The following ADD2 variants were observed in gnomAD, a reference collection of about 807,000 sequenced individuals.
ADD2 encodes the protein adducin 2.
Under a neutral mutation model 83.0 loss-of-function variants are expected in ADD2, and 23 were observed. The observed-to-expected ratio is 0.28, with a 90% CI of 0.20 to 0.39. ADD2 has a LOEUF of 0.39. Among genes scored for constraint, ADD2 ranks in the 10% least tolerant of loss-of-function variants. ADD2 has a pLI of 1.00. For synonymous variants in ADD2, 375 were observed against 375.4 expected (o/e 1.00, Z 0.01); for missense variants, 758 against 944.9 (o/e 0.80, Z 2.59).
At chr2:70,682,621 A>G (rs1301257598) in intron 10 of ADD2, among the ~76,000 whole-genome samples, 1 of 152,242 alleles carries the variant, frequency 6.6e-6, no homozygotes, top group Admixed American at 6.5e-5. Context: ...TCTCTGAGCA[A>G]TCTAAGAAGT....
At position 70,758,051 on chromosome 2, in the gene ADD2, C is replaced by T. The variant is rs140655728; in HGVS notation, c.-154+9835G>A. Among the ~76,000 whole-genome samples, 523 of 152,340 alleles carry T rather than the reference C, an allele frequency of 3.4e-3. 4 individuals are homozygous for T. Among genetic ancestry groups the T allele is most frequent in the African/African-American group, 0.012 (507 of 41,578 alleles). ...TAAAAATAGGAACAAATCTCCATCA[C>T]TTCTGGTTACCAGGGAGGCTGCCAT... On this transcript the variant is annotated intron_variant, in intron 1 of 15. Coordinates refer to ENST00000264436, the MANE Select transcript of ADD2 (RefSeq NM_001617.4).
At chr2:70,665,396 C>T (rs1675744747) in intron 15 of ADD2, among the ~76,000 whole-genome samples, 1 of 152,188 alleles carries the variant, frequency 6.6e-6, no homozygotes, top group South Asian at 2.1e-4. Flanking sequence ...GGCCACTGCT[C>T]CCAGTCTTCC....
At chr2:70,740,060 G>C (rs1292647246) in intron 1 of ADD2, among the ~76,000 whole-genome samples, 1 of 151,900 alleles carries the variant, frequency 6.6e-6, no homozygotes, top group Non-Finnish European at 1.5e-5. Context: ...AAAATAATTA[G>C]ATCAATAAAT....
At chr2:70,678,410 G>C (rs1268370808) in intron 11 of ADD2, among the ~76,000 whole-genome samples, 1 of 152,166 alleles carries the variant, frequency 6.6e-6, no homozygotes, top group Non-Finnish European at 1.5e-5. Flanking sequence ...AGCCCCCTGT[G>C]GATGTGGGAG....
intron 1 of ADD2, among the ~76,000 whole-genome samples, chr2:70,747,005 G>A (rs782036051): frequency 6.1e-4 from 78 of 127,746 alleles, no homozygotes; most frequent in Middle Eastern, 8.5e-3. Context: ...AGTCCAATAT[G>A]GATTTTTTTT....
At chr2:70,733,764 T>G (rs1673391470) in intron 1 of ADD2, among the ~76,000 whole-genome samples, 1 of 152,176 alleles carries the variant, frequency 6.6e-6, no homozygotes, top group Admixed American at 6.5e-5. Context: ...ACAGATTACA[T>G]AACTGATGTC....
chr2:70,759,533 T>C (rs537348688), intron 1 of ADD2, among the ~76,000 whole-genome samples: 2 of 152,236 alleles, frequency 1.3e-5, no homozygotes, highest in South Asian at 4.1e-4. Context: ...TGGTGGTGGA[T>C]CCCTCATGAA....
chr2:70,705,544 C>A (rs1477208757), intron 3 of ADD2, among the ~76,000 whole-genome samples: 1 of 152,214 alleles, frequency 6.6e-6, no homozygotes, highest in African/African-American at 2.4e-5. Flanking sequence ...TTGCCTCCAC[C>A]ACAGTGATCT....
In ADD2 at chr2:70,692,417, G is replaced by A; in HGVS notation, c.691C>T (p.Pro231Ser). ...AGTCCACTCACCGCTGCTGTGGCCG[G>A]TGTGTGCAGGTGGATGATGCAGCGC... ...DVRCIIHLHT[P>S]ATAAVSAMKW... The change falls in exon 7 of 16, where the codon CCG becomes TCG. Residue 231 changes from proline to serine, a missense_variant. Pro to Ser is a moderately conservative substitution (Grantham distance 74). Coordinates refer to ENST00000264436, the MANE Select transcript of ADD2 (RefSeq NM_001617.4). 6.3e-7 allele frequency: 1 copy of A among 1,577,980 alleles called. No homozygotes were observed. Among genetic ancestry groups the A allele is most frequent in the Non-Finnish European group, 8.6e-7 (1 of 1,160,674 alleles).
chr2:70,718,336 T>C (rs570926269), intron 1 of ADD2, among the ~76,000 whole-genome samples: 1 of 152,300 alleles, frequency 6.6e-6, no homozygotes, highest in African/African-American at 2.4e-5. Context: ...AGAGGGAAGA[T>C]GGCTGGGAGA....
intron 6 of ADD2, among the ~76,000 whole-genome samples, chr2:70,692,858 G>T (rs574007436): frequency 6.6e-6 from 1 of 152,176 alleles, no homozygotes; most frequent in Non-Finnish European, 1.5e-5. Flanking sequence ...GGCTGAGGGG[G>T]CCCTGAGAGC....
At chr2:70,728,978 A>G (rs1021777019) in intron 1 of ADD2, among the ~76,000 whole-genome samples, 8 of 152,234 alleles carry the variant, frequency 5.3e-5, no homozygotes, top group Admixed American at 3.9e-4. Context: ...TCTCAAAGAT[A>G]CGCTGAGCTT....
intron 1 of ADD2, among the ~76,000 whole-genome samples, chr2:70,727,757 G>T (rs566884803): frequency 6.6e-6 from 1 of 152,056 alleles, no homozygotes; most frequent in East Asian, 1.9e-4. Context: ...TTAGCTGGGC[G>T]TGGTGATGCA....
chr2:70,737,889 C>G (rs1405727936), intron 1 of ADD2, among the ~76,000 whole-genome samples: 1 of 152,110 alleles, frequency 6.6e-6, no homozygotes, highest in Non-Finnish European at 1.5e-5. Context: ...TAAAACACTA[C>G]AGCCTGCCCC....
chr2:70,697,949 G>A (rs1456322836), intron 4 of ADD2, among the ~76,000 whole-genome samples: 2 of 152,222 alleles, frequency 1.3e-5, no homozygotes, highest in African/African-American at 2.4e-5. Context: ...AGCAGGGACA[G>A]CAGTGGTCCA....
chr2:70,766,891 G>A (rs1675411639), intron 1 of ADD2, among the ~76,000 whole-genome samples: 1 of 152,254 alleles, frequency 6.6e-6, no homozygotes, highest in Non-Finnish European at 1.5e-5. Flanking sequence ...TCATGTGTCA[G>A]AGATAAATGA....
intron 1 of ADD2, among the ~76,000 whole-genome samples, chr2:70,760,128 G>A (rs1553384584): frequency 1.3e-5 from 2 of 152,186 alleles, no homozygotes; most frequent in Admixed American, 1.3e-4. Context: ...TCAAATCGAT[G>A]TTTTCCTTAC....
chr2:70,767,433 G>A (rs979589938), intron 1 of ADD2: 2 of 178,392 alleles, frequency 1.1e-5, no homozygotes, highest in South Asian at 1.9e-4. Flanking sequence ...GAGGCCCCGG[G>A]GGACGCGCCC....
chr2:70,728,496 C>T (rs7576498), intron 1 of ADD2, among the ~76,000 whole-genome samples: 64,134 of 151,970 alleles, frequency 0.42, 14,058 homozygotes, highest in East Asian at 0.61. Flanking sequence ...TGCCCTCCTT[C>T]GAGAAGAGGT....
Sources: gnomAD v4.1 joint callset for allele counts (sites outside exome capture counted in the v4.1 genomes callset) on GRCh38, gnomAD v4.1.1 for gene constraint, MANE v1.5 for transcripts, NCBI Gene and HGNC (gene_info 2026-07-23, HGNC 2026-07-21) for gene names.